RRP7A: variants seen among roughly 807,000 people sequenced by gnomAD.
RRP7A encodes ribosomal RNA processing 7 homolog A, also known as ribosomal RNA-processing protein 7 homolog A.
In RRP7A, 27 loss-of-function variants were observed where a neutral mutation model predicts 38.4. The ratio of observed to expected loss-of-function variants is 0.70; its 90% CI spans 0.52 to 0.97. The LOEUF is 0.97. Ranked by LOEUF, RRP7A falls within the 50% of genes least tolerant of loss-of-function variation. The probability of loss-of-function intolerance (pLI) is 0.00; values close to 1 mark genes in which losing one functional copy is unlikely to be tolerated. For synonymous variants in RRP7A, 124 were observed against 150.3 expected (o/e 0.83, Z 1.28); for missense variants, 327 against 375.4 (o/e 0.87, Z 1.07).
At chr22:42,513,033 C>G in intron 6 of RRP7A, 38 bp from the exon 7 acceptor site, 2 of 1,570,048 alleles carry the variant, frequency 1.3e-6, no homozygotes, top group Non-Finnish European at 1.7e-6. Flanking sequence ...GGTCAGACAG[C>G]GCGCCCCGGG....
At position 42,514,302 on chromosome 22, in the gene RRP7A, T is replaced by C. The variant is rs1254527945; in HGVS notation, c.561A>G (p.Glu187=). 1.9e-6 allele frequency: 3 copies of C among 1,567,496 alleles called. No homozygotes were observed. Among genetic ancestry groups the C allele is most frequent in the South Asian group, 1.1e-5 (1 of 89,624 alleles). The change falls in exon 6 of 7, where the codon GAA becomes GAG. Residue 187 remains glutamate, a splice_region_variant and synonymous_variant. Coordinates refer to ENST00000323013, the MANE Select transcript of RRP7A (RefSeq NM_015703.5). ...CCTCCTCCTCCTTGGCCTTAGCTTC[T>C]TCCTGCAAGGAAGGTGATCCCATCC... ...MEAYDQKIAE[E]EAKAKEEEGV...
chr22:42,512,477 T>G lies in RRP7A; in HGVS notation c.*433A>C. ...TCCTGGCTAATAATCTCCAGCCAGC[T>G]GGAGGAAGGAAGGGCGGGCTGGGCC... On this transcript the variant is annotated 3_prime_UTR_variant, in exon 7 of 7. Coordinates refer to ENST00000323013, the MANE Select transcript of RRP7A (RefSeq NM_015703.5). 1.7e-6 allele frequency: 1 copy of G among 573,096 alleles called. No individual in the cohort carries two copies. Among genetic ancestry groups the G allele is most frequent in the Non-Finnish European group, 3.1e-6 (1 of 323,772 alleles). 35.5% of individuals were successfully genotyped at this position (573,096 alleles called of 1,614,324 possible).
chr22:42,515,925 G>T, intron 3 of RRP7A, 86 bp downstream of exon 3: 1 of 1,465,894 alleles, frequency 6.8e-7, no homozygotes, highest in African/African-American at 1.4e-5. Flanking sequence ...AGAATGCTCT[G>T]ATGTCCCACT....
At chr22:42,519,639 C>A in intron 1 of RRP7A, 75 bp downstream of exon 1, 1 of 1,268,792 alleles carries the variant, frequency 7.9e-7, no homozygotes, top group Non-Finnish European at 1.0e-6. Flanking sequence ...CTGGGGACCC[C>A]CGGCCGTCGC....
In RRP7A at chr22:42,512,252, C is replaced by T. The variant is rs1932490037; in HGVS notation, c.*658G>A. The T allele has an allele frequency of 6.2e-7, 1 of 1,609,588 alleles. No homozygotes were observed. On this transcript the variant is annotated 3_prime_UTR_variant, in exon 7 of 7. Coordinates refer to ENST00000323013, the MANE Select transcript of RRP7A (RefSeq NM_015703.5). ...CCCAGCTGTAGCTCTGGGCCTGGAA[C>T]TATGAAGACCTAGTGCTCCCAGACT...
rs1360122901 is a variant in RRP7A at position 42,511,496 on chromosome 22, C to G, written c.*1414G>C. 1.3e-5 allele frequency: 2 copies of G among 153,356 alleles called. No individual in the cohort carries two copies. The highest frequency in any genetic ancestry group is 4.8e-5 in the African/African-American group (2 of 41,470). 9.5% of individuals were successfully genotyped at this position (153,356 alleles called of 1,614,324 possible). A position where few individuals can be genotyped will look rare whatever the true frequency, so the allele number is the denominator to read the frequency against. On this transcript the variant is annotated 3_prime_UTR_variant, in exon 7 of 7. Transcript: ENST00000323013. The stretch of plus-strand genomic sequence containing the variant: ...AGCCTAGTCTCACTTTATAGGCTCC[C>G]AAACCACAGCAGAACACCTGGCTGC...
At position 42,512,255 on chromosome 22, in the gene RRP7A, T is replaced by G; in HGVS notation, c.*655A>C. Reference sequence around the variant, plus strand: ...AGCTGTAGCTCTGGGCCTGGAACTATGAAGACCTAGTGCTCCCAGACTCAA... The same window carrying G: ...AGCTGTAGCTCTGGGCCTGGAACTAGGAAGACCTAGTGCTCCCAGACTCAA... On this transcript the variant is annotated 3_prime_UTR_variant, in exon 7 of 7. Coordinates refer to ENST00000323013, the MANE Select transcript of RRP7A (RefSeq NM_015703.5). 6.2e-7 allele frequency: 1 copy of G among 1,609,780 alleles called. No individual in the cohort carries two copies. The highest frequency in any genetic ancestry group is 1.1e-5 in the South Asian group (1 of 90,994).
Position 42,512,093 on chromosome 22 carries a change from A to G in RRP7A, c.*817T>C. 1.4e-6 allele frequency: 2 copies of G among 1,455,440 alleles called. No individual in the cohort carries two copies. The highest frequency in any genetic ancestry group is 1.9e-6 in the Non-Finnish European group (2 of 1,034,572). 90.2% of individuals were successfully genotyped at this position (1,455,440 alleles called of 1,614,324 possible). On this transcript the variant is annotated 3_prime_UTR_variant, in exon 7 of 7. Coordinates refer to ENST00000323013, the MANE Select transcript of RRP7A (RefSeq NM_015703.5). ...CCCTAGGCTCCTCTGGCCACATCTC[A>G]CTACCCACCCCCTCCCCTCTCCAGC...
At chr22:42,515,921 C>G (rs1920928219) in intron 3 of RRP7A, 90 bp downstream of exon 3, 3 of 1,454,632 alleles carry the variant, frequency 2.1e-6, no homozygotes, top group Admixed American at 4.5e-5. Flanking sequence ...CCAGAGAATG[C>G]TCTGATGTCC....
In RRP7A at chr22:42,512,818, G is replaced by A. The variant is rs1932509489; in HGVS notation, c.*92C>T. On this transcript the variant is annotated 3_prime_UTR_variant, in exon 7 of 7. Transcript: ENST00000323013. Reference sequence around the variant, plus strand: ...GGTGGCCTTCAACCTGGGGCCCGTTGGCCAGAGCTCGGCCTCTCAGAGACC... The same window carrying A: ...GGTGGCCTTCAACCTGGGGCCCGTTAGCCAGAGCTCGGCCTCTCAGAGACC... 3.0e-6 allele frequency: 4 copies of A among 1,348,456 alleles called. No homozygotes were observed. The highest frequency in any genetic ancestry group is 1.9e-5 in the Admixed American group (1 of 51,758). The allele number at this position is 1,348,456 out of a possible 1,614,324, so 83.5% of individuals were successfully genotyped here.
At chr22:42,516,914 A>T (rs754227297) in intron 2 of RRP7A, among the ~76,000 whole-genome samples, 1 of 152,148 alleles carries the variant, frequency 6.6e-6, no homozygotes, top group Non-Finnish European at 1.5e-5. Context: ...CCTCTTCTAC[A>T]TGCTTCTTTT....
At chr22:42,519,519 G>C (rs942921278) in intron 1 of RRP7A, among the ~76,000 whole-genome samples, 195 bp downstream of exon 1, 1 of 152,144 alleles carries the variant, frequency 6.6e-6, no homozygotes, top group African/African-American at 2.4e-5. Context: ...CCCCGGGAGA[G>C]TGAGCAGGCA....
Position 42,510,868 on chromosome 22 carries a change from G to C in RRP7A, c.*2042C>G. On this transcript the variant is annotated 3_prime_UTR_variant, in exon 7 of 7. Transcript: ENST00000323013. ...ACCACCAGGATCTATCAGGCCTCAT[G>C]CTCCAGTGATCAGTCCCTAGAGGCC... 1 of 1,001,104 alleles carries C rather than the reference G, an allele frequency of 1.0e-6. No individual in the cohort carries two copies. Among genetic ancestry groups the C allele is most frequent in the Non-Finnish European group, 1.3e-6 (1 of 786,636 alleles). 62.0% of individuals were successfully genotyped at this position (1,001,104 alleles called of 1,614,324 possible). A position where few individuals can be genotyped will look rare whatever the true frequency, so the allele number is the denominator to read the frequency against.
Position 42,512,929 on chromosome 22 carries a change from C to G in RRP7A, c.824G>C (p.Arg275Pro), listed in dbSNP as rs143684973. The G allele has an allele frequency of 1.9e-6, 3 of 1,613,412 alleles. No individual in the cohort carries two copies. In the Admixed American group the frequency reaches 5.0e-5, roughly 27 times the overall value. Residue 275 changes from arginine (R) to proline (P), a missense_variant, in exon 7 of 7, where the codon CGC becomes CCC. Physicochemically the swap from Arg to Pro is moderately radical, Grantham distance 103. Transcript: ENST00000323013. ...KQRIELLRAQRKFRPY is the reference protein window; with the variant it reads ...KQRIELLRAQPKFRPY ...CACAGCTCAGTACGGTCGGAATTTG[C>G]GCTGGGCCCGCAGCAGCTCGATCCT...
At position 42,510,688 on chromosome 22, in the gene RRP7A, G is replaced by A. The variant is rs149533716; in HGVS notation, c.*2222C>T. On this transcript the variant is annotated 3_prime_UTR_variant, in exon 7 of 7. Coordinates refer to ENST00000323013, the MANE Select transcript of RRP7A (RefSeq NM_015703.5). Reference sequence around the variant, plus strand: ...ATTACTCTGACAAGGAGTCCCTGTCGTTCATGATAGACACAATGAAATCCA... The same window carrying A: ...ATTACTCTGACAAGGAGTCCCTGTCATTCATGATAGACACAATGAAATCCA... 4.6e-5 allele frequency: 68 copies of A among 1,470,254 alleles called. No homozygotes were observed. In the Middle Eastern group the frequency reaches 5.3e-4, roughly 12 times the overall value. The allele number at this position is 1,470,254 out of a possible 1,614,324, so 91.1% of individuals were successfully genotyped here.
chr22:42,519,207 CAGT>C (rs1396124585), intron 1 of RRP7A, among the ~76,000 whole-genome samples: 1 of 150,236 alleles, frequency 6.7e-6, no homozygotes, highest in Admixed American at 6.7e-5. Context: ...GGAGGGAATG[CAGT>C]AGGTGTGGCG....
At position 42,511,747 on chromosome 22, in the gene RRP7A, G is replaced by A. The variant is rs1245929423; in HGVS notation, c.*1163C>T. 2.0e-5 allele frequency: 4 copies of A among 195,594 alleles called. No homozygotes were observed. The highest frequency in any genetic ancestry group is 1.9e-4 in the South Asian group (2 of 10,442). The allele number at this position is 195,594 out of a possible 1,614,324, so 12.1% of individuals were successfully genotyped here. A position where few individuals can be genotyped will look rare whatever the true frequency, so the allele number is the denominator to read the frequency against. On this transcript the variant is annotated 3_prime_UTR_variant, in exon 7 of 7. Coordinates refer to ENST00000323013, the MANE Select transcript of RRP7A (RefSeq NM_015703.5). Reference sequence around the variant, plus strand: ...GAGCCAAGGCAGGCAGGGCCTTCCTGTCTGGCTTCTTGAAGGCAGACACAA... The same window carrying A: ...GAGCCAAGGCAGGCAGGGCCTTCCTATCTGGCTTCTTGAAGGCAGACACAA...
rs1170987686 is a variant in RRP7A at position 42,518,745 on chromosome 22, C to G, written c.74-598G>C. 8.5e-6 allele frequency: 4 copies of G among 470,842 alleles called. No individual in the cohort carries two copies. In the East Asian group the frequency reaches 2.1e-4, roughly 24 times the overall value. The allele number at this position is 470,842 out of a possible 1,614,324, so 29.2% of individuals were successfully genotyped here. ...GTCTGGAGGCTATATTGATGAGATT[C>G]TTTGGTTAATCGCTGGCACACCCAT... On this transcript the variant is annotated intron_variant, in intron 1 of 6. Coordinates refer to ENST00000323013, the MANE Select transcript of RRP7A (RefSeq NM_015703.5).
rs1191950902 is a variant in RRP7A, at chr22:42,511,376, T to C, written c.*1534A>G. 6.6e-6 allele frequency: 1 copy of C among 152,336 alleles called. No individual in the cohort carries two copies. Among genetic ancestry groups the C allele is most frequent in the Non-Finnish European group, 1.5e-5 (1 of 68,172 alleles). 9.4% of individuals were successfully genotyped at this position (152,336 alleles called of 1,614,324 possible). On this transcript the variant is annotated 3_prime_UTR_variant, in exon 7 of 7. Coordinates refer to ENST00000323013, the MANE Select transcript of RRP7A (RefSeq NM_015703.5). ...ATTTTTAAGAGATGGGGGTTCACCA[T>C]GTTGGCCAGGCTGGTCTCAAACTCC...
Sources: gnomAD v4.1 joint callset for allele counts (sites outside exome capture counted in the v4.1 genomes callset) on GRCh38, gnomAD v4.1.1 for gene constraint, MANE v1.5 for transcripts, NCBI Gene and HGNC (gene_info 2026-07-23, HGNC 2026-07-21) for gene names.